Variants in PAFAH1B2 observed in about 807,000 individuals in gnomAD.
The protein encoded by PAFAH1B2 is platelet-activating factor acetylhydrolase IB subunit alpha2.
PAFAH1B2 carries 8 observed loss-of-function variants against 28.0 expected under a neutral mutation model. The observed-to-expected ratio is 0.29, with a 90% CI of 0.17 to 0.52. The LOEUF is 0.52. PAFAH1B2 is among the 20% of genes least tolerant of loss of function. PAFAH1B2 has a pLI of 0.97. For missense variants in PAFAH1B2, 190 were observed against 282.6 expected (o/e 0.67, Z 2.35); for synonymous variants, 104 against 103.2 (o/e 1.01, Z -0.05).
At chr11:117,145,452 G>GA (rs371849122) in intron 1 of PAFAH1B2, among the ~76,000 whole-genome samples, 13 of 151,938 alleles carry the variant, frequency 8.6e-5, no homozygotes, top group Admixed American at 8.5e-4. Context: ...TGGGCCGGGG[G>GA]TAAAGGTGTG....
At position 117,168,783 on chromosome 11, in the gene PAFAH1B2, CTTAG is replaced by C. The variant is rs1045542827; in HGVS notation, c.*1087_*1090del. On this transcript the variant is annotated 3_prime_UTR_variant, in exon 6 of 6. Coordinates refer to ENST00000527958, the MANE Select transcript of PAFAH1B2 (RefSeq NM_002572.4). The stretch of plus-strand genomic sequence containing the variant: ...GTGTATATTTTATTTTTTTTATTGG[CTTAG>C]TTGTTTTTTGTTTTGTTTTGTTTGA... The C allele has an allele frequency of 9.1e-6, 9 of 988,928 alleles. No individual in the cohort carries two copies. Among genetic ancestry groups the C allele is most frequent in the Non-Finnish European group, 1.1e-5 (9 of 816,574 alleles). 61.3% of individuals were successfully genotyped at this position (988,928 alleles called of 1,614,324 possible).
In PAFAH1B2 at chr11:117,151,322, C is replaced by T. The variant is rs1956146147; in HGVS notation, c.-7-1119C>T. On this transcript the variant is annotated intron_variant, in intron 1 of 5. Coordinates refer to ENST00000527958, the MANE Select transcript of PAFAH1B2 (RefSeq NM_002572.4). Reference sequence around the variant, plus strand: ...TCGGCTCACTGCAACCTCCGCCTCCCGGGTTCAAGTGATTCTCCTACCTCA... The same window carrying T: ...TCGGCTCACTGCAACCTCCGCCTCCTGGGTTCAAGTGATTCTCCTACCTCA... Among the ~76,000 whole-genome samples the T allele has an allele frequency of 4.0e-5, 6 of 151,092 alleles. No individual in the cohort carries two copies. In the South Asian group the frequency reaches 1.1e-3, roughly 26 times the overall value.
chr11:117,155,690 TTA>T (rs147864583), intron 2 of PAFAH1B2, among the ~76,000 whole-genome samples: 7 of 150,536 alleles, frequency 4.7e-5, no homozygotes, highest in Admixed American at 1.3e-4. Context: ...GTAGGAAAAA[TTA>T]TATATATATA....
At position 117,163,751 on chromosome 11, in the gene PAFAH1B2, C is replaced by T. The variant is rs753375116; in HGVS notation, c.289-19C>T. The T allele has an allele frequency of 1.9e-6, 3 of 1,611,646 alleles. No homozygotes were observed. Among genetic ancestry groups the T allele is most frequent in the Non-Finnish European group, 2.5e-6 (3 of 1,178,714 alleles). ...TGGGTATTTATCTTCTCCTTCCCCC[C>T]TTTTTTCTTCAATTGCAGGTCATTG... On this transcript the variant is annotated intron_variant, in intron 4 of 5. Coordinates refer to ENST00000527958, the MANE Select transcript of PAFAH1B2 (RefSeq NM_002572.4).
intron 4 of PAFAH1B2, among the ~76,000 whole-genome samples, chr11:117,163,421 C>A (rs1281430128): frequency 6.6e-6 from 1 of 152,068 alleles, no homozygotes; most frequent in Non-Finnish European, 1.5e-5. Flanking sequence ...CCTGTAATCC[C>A]AGCACTTTGG....
At position 117,170,886 on chromosome 11, in the gene PAFAH1B2, C is replaced by T; in HGVS notation, c.*3187C>T. ...AAAGGAGGCTTTTTGGAGAGGGGTCCCCCAGGTTTCTTGGTGTTCCTGCTT... is the reference window on the plus strand; with the variant it reads ...AAAGGAGGCTTTTTGGAGAGGGGTCTCCCAGGTTTCTTGGTGTTCCTGCTT... On this transcript the variant is annotated 3_prime_UTR_variant, in exon 6 of 6. Coordinates refer to ENST00000527958, the MANE Select transcript of PAFAH1B2 (RefSeq NM_002572.4). 1 of 1,060,476 alleles carries T rather than the reference C, an allele frequency of 9.4e-7. No homozygotes were observed. Among genetic ancestry groups the T allele is most frequent in the Non-Finnish European group, 1.1e-6 (1 of 876,214 alleles). 65.7% of individuals were successfully genotyped at this position (1,060,476 alleles called of 1,614,324 possible). A position where few individuals can be genotyped will look rare whatever the true frequency, so the allele number is the denominator to read the frequency against.
In PAFAH1B2 at chr11:117,144,747, C is replaced by G. The variant is rs553558018; in HGVS notation, c.-8+329C>G. On this transcript the variant is annotated intron_variant, in intron 1 of 5. Transcript: ENST00000527958. Reference sequence around the variant, plus strand: ...GGGTAGCGCGGCGGGCGCCCCGCCCCGCCCTGCCCTGCCCTGCCCTGCCGG... The same window carrying G: ...GGGTAGCGCGGCGGGCGCCCCGCCCGGCCCTGCCCTGCCCTGCCCTGCCGG... 1.8e-3 allele frequency among the ~76,000 whole-genome samples: 278 copies of G among 152,034 alleles called. 3 individuals are homozygous for G. The highest frequency in any genetic ancestry group is 6.2e-3 in the African/African-American group (258 of 41,516).
chr11:117,170,560 G>A lies in PAFAH1B2; in HGVS notation c.*2861G>A, dbSNP rs1956628957. The A allele has an allele frequency of 2.9e-6, 3 of 1,034,244 alleles. No individual in the cohort carries two copies. Among genetic ancestry groups the A allele is most frequent in the Non-Finnish European group, 3.5e-6 (3 of 864,786 alleles). The allele number at this position is 1,034,244 out of a possible 1,614,324, so 64.1% of individuals were successfully genotyped here. On this transcript the variant is annotated 3_prime_UTR_variant, in exon 6 of 6. Coordinates refer to ENST00000527958, the MANE Select transcript of PAFAH1B2 (RefSeq NM_002572.4). ...CTGCCTAAACCAGAATCTTTTGTCAGAAACCTTAACCCAACAAAACAAATC... is the reference window on the plus strand; with the variant it reads ...CTGCCTAAACCAGAATCTTTTGTCAAAAACCTTAACCCAACAAAACAAATC...
At chr11:117,145,158 C>G (rs573143656) in intron 1 of PAFAH1B2, among the ~76,000 whole-genome samples, 150 of 152,284 alleles carry the variant, frequency 9.9e-4, no homozygotes, top group Admixed American at 2.2e-3. Context: ...CTAGATAAAC[C>G]TGTCAGCGGA....
At chr11:117,153,289 GAAGT>G (rs1956192649) in intron 2 of PAFAH1B2, among the ~76,000 whole-genome samples, 1 of 152,140 alleles carries the variant, frequency 6.6e-6, no homozygotes, top group African/African-American at 2.4e-5. Flanking sequence ...AATTTAGAAA[GAAGT>G]ATCTTCATCT....
Position 117,167,964 on chromosome 11 carries a change from A to C in PAFAH1B2, c.*265A>C. The C allele has an allele frequency of 9.0e-7, 1 of 1,105,666 alleles. No individual in the cohort carries two copies. The allele number at this position is 1,105,666 out of a possible 1,614,324, so 68.5% of individuals were successfully genotyped here. On this transcript the variant is annotated 3_prime_UTR_variant, in exon 6 of 6. Transcript: ENST00000527958. The stretch of plus-strand genomic sequence containing the variant: ...GACTTTTTAGTTGTATGTGTAACAC[A>C]TTCATTGAATTATTATCACTGTTTT...
chr11:117,144,334 C>CGGGACCGACGGGACCGAGCGA lies in PAFAH1B2; in HGVS notation c.-90_-70dup, dbSNP rs992831390. On this transcript the variant is annotated 5_prime_UTR_variant, in exon 1 of 6. Coordinates refer to ENST00000527958, the MANE Select transcript of PAFAH1B2 (RefSeq NM_002572.4). ...GGGCCGGAGGAGGGACGCGCCGGAG[C>CGGGACCGACGGGACCGAGCGA]GGGACCGACGGGACCGAGCGAGCGA... 12 of 411,548 alleles carry CGGGACCGACGGGACCGAGCGA rather than the reference C, an allele frequency of 2.9e-5. No individual in the cohort carries two copies. The highest frequency in any genetic ancestry group is 2.3e-4 in the Admixed American group (9 of 39,524). The allele number at this position is 411,548 out of a possible 1,614,324, so 25.5% of individuals were successfully genotyped here. A position where few individuals can be genotyped will look rare whatever the true frequency, so the allele number is the denominator to read the frequency against.
chr11:117,145,533 C>T (rs1422807274), intron 1 of PAFAH1B2, among the ~76,000 whole-genome samples: 3 of 152,302 alleles, frequency 2.0e-5, no homozygotes, highest in East Asian at 3.9e-4. Flanking sequence ...TCTTTGGCTT[C>T]TTCTGGGCAC....
At position 117,169,860 on chromosome 11, in the gene PAFAH1B2, C is replaced by A; in HGVS notation, c.*2161C>A. 1 of 1,054,806 alleles carries A rather than the reference C, an allele frequency of 9.5e-7. No individual in the cohort carries two copies. The highest frequency in any genetic ancestry group is 1.1e-6 in the Non-Finnish European group (1 of 872,806). 65.3% of individuals were successfully genotyped at this position (1,054,806 alleles called of 1,614,324 possible). A position where few individuals can be genotyped will look rare whatever the true frequency, so the allele number is the denominator to read the frequency against. ...TTTGTCAGAAGGTGGGAGTATGGTC[C>A]AAATAAATCCATTAGGTTACTCCTG... On this transcript the variant is annotated 3_prime_UTR_variant, in exon 6 of 6. Coordinates refer to ENST00000527958, the MANE Select transcript of PAFAH1B2 (RefSeq NM_002572.4).
chr11:117,144,820 G>A (rs1416185701), intron 1 of PAFAH1B2, among the ~76,000 whole-genome samples: 1 of 151,908 alleles, frequency 6.6e-6, no homozygotes, highest in Non-Finnish European at 1.5e-5. Flanking sequence ...CCGGCTGGGC[G>A]CTGCAGCTCC....
At chr11:117,150,871 C>G (rs1956133925) in intron 1 of PAFAH1B2, among the ~76,000 whole-genome samples, 1 of 151,742 alleles carries the variant, frequency 6.6e-6, no homozygotes, top group South Asian at 2.1e-4. Flanking sequence ...GCTTGTAGTC[C>G]CAGCTACTTG....
At chr11:117,159,427 T>C (rs2134194750) in intron 2 of PAFAH1B2, 1 of 152,106 alleles carries the variant, frequency 6.6e-6, no homozygotes, top group East Asian at 1.9e-4. Context: ...ATCAGTTTCT[T>C]TTTTTATTAA....
downstream of PAFAH1B2, among the ~76,000 whole-genome samples, chr11:117,172,012 G>A (rs963037253): frequency 6.6e-6 from 1 of 152,038 alleles, no homozygotes; most frequent in Non-Finnish European, 1.5e-5. Context: ...CACAGCAGCA[G>A]TGAAAGCAGC....
intron 2 of PAFAH1B2, among the ~76,000 whole-genome samples, chr11:117,156,614 AT>A (rs1956260852): frequency 6.6e-6 from 1 of 152,166 alleles, no homozygotes; most frequent in Non-Finnish European, 1.5e-5. Flanking sequence ...GGTCCTTTCT[AT>A]TTTTCCAAAT....
Sources: allele counts gnomAD v4.1 joint callset (sites outside exome capture counted in the v4.1 genomes callset), GRCh38; gene constraint gnomAD v4.1.1; transcripts MANE v1.5; gene names NCBI Gene and HGNC (gene_info 2026-07-23, HGNC 2026-07-21).